Variants in DGKI observed in about 807,000 individuals in gnomAD.
The protein encoded by DGKI is DAG kinase iota.
In DGKI, 55 loss-of-function variants were observed where a neutral mutation model predicts 147.5. The ratio of observed to expected loss-of-function variants is 0.37; its 90% CI spans 0.30 to 0.47. DGKI has a LOEUF of 0.47. Ranked by LOEUF, DGKI falls within the 20% of genes least tolerant of loss-of-function variation. DGKI has a pLI of 1.00. For synonymous variants in DGKI, 469 were observed against 477.1 expected, an observed-to-expected ratio of 0.98 and a Z score of 0.22; for missense variants, 1,007 against 1,323.8, an observed-to-expected ratio of 0.76 and a Z score of 3.71.
intron 1 of DGKI, among the ~76,000 whole-genome samples, chr7:137,753,959 AGAG>A (rs751723884): frequency 2.6e-5 from 4 of 152,224 alleles, no homozygotes; most frequent in South Asian, 2.1e-4. Context: ...ACATTAAAAA[AGAG>A]GAGGAGGAGG....
intron 21 of DGKI, among the ~76,000 whole-genome samples, chr7:137,510,265 A>G (rs1048328598): frequency 6.6e-6 from 1 of 152,258 alleles, no homozygotes; most frequent in Non-Finnish European, 1.5e-5. Context: ...TTCCATTTCA[A>G]AGAAGGTTCC....
At chr7:137,715,091 T>C (rs1298251751) in intron 1 of DGKI, among the ~76,000 whole-genome samples, 1 of 152,218 alleles carries the variant, frequency 6.6e-6, no homozygotes, top group Non-Finnish European at 1.5e-5. Flanking sequence ...CCCTCTCTGT[T>C]TACTGCTCTT....
chr7:137,534,917 A>T (rs903901739), intron 20 of DGKI, among the ~76,000 whole-genome samples: 4 of 152,148 alleles, frequency 2.6e-5, no homozygotes, highest in South Asian at 4.1e-4. Flanking sequence ...CTAATCCAAC[A>T]TGACTAGTGT....
At position 137,645,589 on chromosome 7, in the gene DGKI, C is replaced by T. The variant is rs138727522; in HGVS notation, c.739-52G>A. 1.6e-3 allele frequency: 2,362 copies of T among 1,507,736 alleles called. 34 individuals are homozygous for T. The African/African-American group carries it at 0.028, about 18-fold the overall frequency. 93.4% of individuals were successfully genotyped at this position (1,507,736 alleles called of 1,614,324 possible). The stretch of plus-strand genomic sequence containing the variant: ...ATTTTTAAAAATTTATTTCTATAGA[C>T]AGGGTCTTGCTCTGTCACCCACACT... On this transcript the variant is annotated intron_variant, in intron 5 of 32. Coordinates refer to ENST00000614521, the MANE Select transcript of DGKI (RefSeq NM_001321708.2).
intron 1 of DGKI, among the ~76,000 whole-genome samples, chr7:137,838,868 T>G (rs1041658678): frequency 6.6e-6 from 1 of 152,252 alleles, no homozygotes; most frequent in Admixed American, 6.5e-5. Flanking sequence ...CCAGGGCAGG[T>G]AGCATCTGCG....
intron 21 of DGKI, among the ~76,000 whole-genome samples, chr7:137,488,099 G>A (rs1199303126): frequency 2.0e-5 from 3 of 152,084 alleles, no homozygotes; most frequent in Admixed American, 6.6e-5. Flanking sequence ...ATGCAGTGCC[G>A]GGGGAATTAA....
At chr7:137,762,652 G>A (rs3778812) in intron 1 of DGKI, among the ~76,000 whole-genome samples, 66,921 of 151,922 alleles carry the variant, frequency 0.44, 15,971 homozygotes, top group African/African-American at 0.64. Flanking sequence ...AACCATTCAA[G>A]TATCACCTTC....
chr7:137,617,930 T>C (rs796212007), intron 8 of DGKI, among the ~76,000 whole-genome samples: 5 of 151,226 alleles, frequency 3.3e-5, no homozygotes, highest in African/African-American at 1.2e-4. Context: ...GAGGATTCAT[T>C]ATAACCTTTT....
At chr7:137,780,803 C>T (rs1443736658) in intron 1 of DGKI, among the ~76,000 whole-genome samples, 1 of 152,086 alleles carries the variant, frequency 6.6e-6, no homozygotes, top group African/African-American at 2.4e-5. Flanking sequence ...CTCATAATTC[C>T]TTAAAAGGAT....
intron 1 of DGKI, among the ~76,000 whole-genome samples, chr7:137,843,067 G>GT (rs1421984651): frequency 6.6e-6 from 1 of 152,164 alleles, no homozygotes; most frequent in Non-Finnish European, 1.5e-5. Flanking sequence ...TATGCCTCAA[G>GT]TTCATTTTCA....
intron 1 of DGKI, among the ~76,000 whole-genome samples, chr7:137,795,472 C>T (rs1796992377): frequency 6.6e-6 from 1 of 152,220 alleles, no homozygotes; most frequent in African/African-American, 2.4e-5. Context: ...GAGGAAATCC[C>T]TGTACCCAGG....
chr7:137,466,871 A>C, intron 25 of DGKI, 31 bp downstream of exon 25: 2 of 1,612,246 alleles, frequency 1.2e-6, no homozygotes, highest in Non-Finnish European at 1.7e-6. Context: ...GGAATTTTTC[A>C]CTTTCACAAG....
At chr7:137,489,821 C>G (rs548920153) in intron 21 of DGKI, among the ~76,000 whole-genome samples, 1 of 152,050 alleles carries the variant, frequency 6.6e-6, no homozygotes, top group Non-Finnish European at 1.5e-5. Flanking sequence ...TTTATACATA[C>G]GCAGGAATCC....
chr7:137,612,910 C>T lies in DGKI; in HGVS notation c.994-3301G>A, dbSNP rs185488833. ...TTCTTCTGATTCCAACAGCAGTCGC[C>T]CCCTAGACATTCTGTGCCTGCTCTT... On this transcript the variant is annotated intron_variant, in intron 8 of 32. Transcript: ENST00000614521. Among the ~76,000 whole-genome samples the T allele has an allele frequency of 2.0e-3, 299 of 152,244 alleles. 1 individual carries two copies. Among genetic ancestry groups the T allele is most frequent in the African/African-American group, 6.4e-3 (265 of 41,546 alleles).
rs1210058317 is a variant in DGKI, at chr7:137,388,897, A to G, written c.*2323T>C. 2 of 152,040 alleles carry G rather than the reference A, an allele frequency of 1.3e-5. No homozygotes were observed. The highest frequency in any genetic ancestry group is 1.9e-4 in the East Asian group (1 of 5,180). 9.4% of individuals were successfully genotyped at this position (152,040 alleles called of 1,614,324 possible). On this transcript the variant is annotated 3_prime_UTR_variant, in exon 33 of 33. Coordinates refer to ENST00000614521, the MANE Select transcript of DGKI (RefSeq NM_001321708.2). ...TTCATAACACAGATTTATGTCTTCA[A>G]TTGGAGCTATTTAGAAATTGGCCCA...
intron 12 of DGKI, among the ~76,000 whole-genome samples, chr7:137,595,432 G>C (rs576786743): frequency 6.6e-6 from 1 of 152,298 alleles, no homozygotes; most frequent in African/African-American, 2.4e-5. Flanking sequence ...CCTTAAAAAT[G>C]TAACTACTGC....
chr7:137,608,809 T>C (rs778210697), intron 10 of DGKI, among the ~76,000 whole-genome samples, 157 bp downstream of exon 10: 71 of 152,316 alleles, frequency 4.7e-4, no homozygotes, highest in African/African-American at 1.6e-3. Flanking sequence ...AGCCCTGTAA[T>C]GTGTAAAGCT....
chr7:137,654,308 T>A (rs1822142069), intron 5 of DGKI, among the ~76,000 whole-genome samples: 1 of 152,220 alleles, frequency 6.6e-6, no homozygotes, highest in Admixed American at 6.5e-5. Flanking sequence ...CCAGGGCTCA[T>A]AGGAATAACC....
At chr7:137,533,024 G>C (rs552796790) in intron 20 of DGKI, among the ~76,000 whole-genome samples, 2 of 152,244 alleles carry the variant, frequency 1.3e-5, no homozygotes, top group South Asian at 2.1e-4. Context: ...GTCAGTTGGG[G>C]CCAGGTGCAG....
Sources: allele counts gnomAD v4.1 joint callset (sites outside exome capture counted in the v4.1 genomes callset), GRCh38; gene constraint gnomAD v4.1.1; transcripts MANE v1.5; gene names NCBI Gene and HGNC (gene_info 2026-07-23, HGNC 2026-07-21).